NBAS: variants seen among roughly 807,000 people sequenced by gnomAD.
NBAS encodes the protein NBAS subunit of NRZ tethering complex.
In NBAS, 219 loss-of-function variants were observed where a neutral mutation model predicts 302.5. That is an observed-to-expected ratio of 0.72 (90% CI 0.65 to 0.81). NBAS has a LOEUF of 0.81. Ranked by LOEUF, NBAS falls within the 30% of genes least tolerant of loss-of-function variation. NBAS has a pLI of 0.00. For synonymous variants in NBAS, 1,118 were observed against 1,021.6 expected (o/e 1.09, Z -1.80); for missense variants, 2,932 against 2,841.6 (o/e 1.03, Z -0.72).
At chr2:14,904,380 A>G in the NBAS span, among the ~76,000 whole-genome samples, 35,894 of 152,130 alleles carry the variant, frequency 0.24, 4,408 homozygotes, top group Non-Finnish European at 0.27. Context: ...AACCACTGAT[A>G]TAAGTCCAAG....
the NBAS span, among the ~76,000 whole-genome samples, chr2:14,987,581 T>C: frequency 6.6e-6 from 1 of 152,062 alleles, no homozygotes; most frequent in African/African-American, 2.4e-5. Flanking sequence ...GAAATATGAA[T>C]GTAGAAATTT....
At chr2:14,836,512 C>T in the NBAS span, among the ~76,000 whole-genome samples, 4 of 151,816 alleles carry the variant, frequency 2.6e-5, no homozygotes, top group South Asian at 6.2e-4. Flanking sequence ...GATATCCAAT[C>T]GTTGCAGCAA....
chr2:14,899,286 GC>G, the NBAS span, among the ~76,000 whole-genome samples: 1 of 152,214 alleles, frequency 6.6e-6, no homozygotes, highest in Non-Finnish European at 1.5e-5. Context: ...AGAGACCTGT[GC>G]CCACAGCAGT....
chr2:15,436,519 A>G (rs1339542701), intron 21 of NBAS, among the ~76,000 whole-genome samples: 3 of 152,248 alleles, frequency 2.0e-5, no homozygotes, highest in African/African-American at 7.2e-5. Context: ...GAAGAAAAAA[A>G]TGTTGATATA....
chr2:15,109,169 T>C, the NBAS span, among the ~76,000 whole-genome samples: 6 of 152,168 alleles, frequency 3.9e-5, no homozygotes, highest in African/African-American at 7.2e-5. Flanking sequence ...TCATAAAAAA[T>C]AGGGTCCCCG....
At chr2:14,882,030 G>A in the NBAS span, among the ~76,000 whole-genome samples, 1 of 151,982 alleles carries the variant, frequency 6.6e-6, no homozygotes, top group African/African-American at 2.4e-5. Flanking sequence ...AAGATGAGAG[G>A]AGAAGAAAGA....
chr2:14,863,130 G>T, the NBAS span, among the ~76,000 whole-genome samples: 5 of 152,306 alleles, frequency 3.3e-5, no homozygotes, highest in East Asian at 9.7e-4. Flanking sequence ...CATCTGCTCT[G>T]CAGAAGAGCA....
intron 25 of NBAS, among the ~76,000 whole-genome samples, chr2:15,409,418 C>A (rs1676575051): frequency 2.0e-5 from 3 of 152,196 alleles, no homozygotes; most frequent in Admixed American, 1.3e-4. Flanking sequence ...TCATGACAGA[C>A]CTGCTCTCTC....
the NBAS span, among the ~76,000 whole-genome samples, chr2:14,850,962 C>A: frequency 7.4e-6 from 1 of 135,580 alleles, no homozygotes; most frequent in Non-Finnish European, 1.5e-5. Context: ...CACTAAATGC[C>A]CACAAGAGAA....
chr2:15,495,796 C>T (rs1681044714), intron 11 of NBAS, among the ~76,000 whole-genome samples: 1 of 152,050 alleles, frequency 6.6e-6, no homozygotes, highest in African/African-American at 2.4e-5. Flanking sequence ...CAAGTGTTGG[C>T]ATGGATGTGG....
chr2:14,905,572 A>C, the NBAS span, among the ~76,000 whole-genome samples: 1 of 152,240 alleles, frequency 6.6e-6, no homozygotes, highest in Admixed American at 6.5e-5. Flanking sequence ...TGGCCAACAG[A>C]GAAATAAACA....
chr2:15,548,068 A>G (rs1253696842), intron 6 of NBAS, among the ~76,000 whole-genome samples: 1 of 152,330 alleles, frequency 6.6e-6, no homozygotes, highest in African/African-American at 2.4e-5. Context: ...TAATATAGAC[A>G]GTATTATATA....
chr2:15,210,917 T>C (rs1228873756), intron 48 of NBAS, among the ~76,000 whole-genome samples: 1 of 152,134 alleles, frequency 6.6e-6, no homozygotes, highest in East Asian at 1.9e-4. Context: ...GGGAGCCAAA[T>C]ATTAAAAGTA....
At chr2:15,186,698 A>C in intron 50 of NBAS, 44 bp downstream of exon 50, 1 of 1,613,392 alleles carries the variant, frequency 6.2e-7, no homozygotes, top group Non-Finnish European at 8.5e-7. Flanking sequence ...AGTTCTGATA[A>C]GCAAAGGCCA....
At chr2:14,787,581 A>T in the NBAS span, among the ~76,000 whole-genome samples, 5 of 152,094 alleles carry the variant, frequency 3.3e-5, no homozygotes, top group African/African-American at 1.2e-4. Context: ...TCACTTATGA[A>T]GCTTAGTTTG....
At chr2:15,132,408 G>C in the NBAS span, among the ~76,000 whole-genome samples, 5 of 152,164 alleles carry the variant, frequency 3.3e-5, no homozygotes, top group Admixed American at 6.6e-5. Context: ...GGTTTCCAGG[G>C]GTTAAGGGGG....
chr2:15,222,727 A>G (rs1398476149), intron 47 of NBAS, among the ~76,000 whole-genome samples: 2 of 152,228 alleles, frequency 1.3e-5, no homozygotes, highest in Non-Finnish European at 2.9e-5. Flanking sequence ...AGTGGCACCA[A>G]TATCTGAACT....
rs762039171 is a variant in NBAS, at chr2:15,330,673, G to A, written c.4272C>T (p.Thr1424=). The change falls in exon 36 of 52, where the codon ACC becomes ACT. Residue 1424 remains threonine (T), a synonymous_variant. Coordinates refer to ENST00000281513, the MANE Select transcript of NBAS (RefSeq NM_015909.4). ...TMKVLSNTTT[T]TKAVLQAVSD... ...TGACGGCCTGCAGCACCGCTTTGGT[G>A]GTGGTTGTGGTGTTGGAAAGGACTT... 5.6e-6 allele frequency: 9 copies of A among 1,614,080 alleles called. No individual in the cohort carries two copies. The Admixed American group carries it at 1.0e-4, about 18-fold the overall frequency.
At chr2:15,179,239 A>T in intron 50 of NBAS, 123 bp from the exon 51 acceptor site, 2 of 1,435,484 alleles carry the variant, frequency 1.4e-6, no homozygotes, top group East Asian at 4.8e-5. Flanking sequence ...AAAGCCACAT[A>T]TGGTACCGCA....
Sources: allele counts gnomAD v4.1 joint callset (sites outside exome capture counted in the v4.1 genomes callset), GRCh38; gene constraint gnomAD v4.1.1; transcripts MANE v1.5; gene names NCBI Gene and HGNC (gene_info 2026-07-23, HGNC 2026-07-21).